Variants in GTF3C1 observed in about 807,000 individuals in gnomAD.
GTF3C1 encodes the protein general transcription factor 3C polypeptide 1.
In GTF3C1, 57 loss-of-function variants were observed where a neutral mutation model predicts 226.7. That is an observed-to-expected ratio of 0.25 (90% CI 0.20 to 0.31). The LOEUF (loss-of-function observed/expected upper bound fraction) is 0.31, where lower values mean the gene tolerates loss of function less well. Among genes scored for constraint, GTF3C1 ranks in the 10% least tolerant of loss-of-function variants. The pLI, the probability that GTF3C1 is intolerant of heterozygous loss-of-function variation, is 1.00. For synonymous variants in GTF3C1, 1,090 were observed against 1,084.8 expected, an observed-to-expected ratio of 1.00 and a Z score of -0.09; for missense variants, 2,217 against 2,776.1, an observed-to-expected ratio of 0.80 and a Z score of 4.53.
At chr16:27,484,750 G>A (rs952134807) in intron 24 of GTF3C1, among the ~76,000 whole-genome samples, 1 of 152,226 alleles carries the variant, frequency 6.6e-6, no homozygotes, top group Admixed American at 6.5e-5. Context: ...TGTATGTTGT[G>A]CTTGTATGTT....
At chr16:27,493,350 A>G (rs535341842) in intron 16 of GTF3C1, 54 bp from the exon 17 acceptor site, 53 of 893,738 alleles carry the variant, frequency 5.9e-5, no homozygotes, top group Non-Finnish European at 5.7e-6. Context: ...GCGACCTGCA[A>G]GAATCTTGAA....
At chr16:27,505,875 C>G in intron 10 of GTF3C1, 24 bp downstream of exon 10, 83 of 1,282,106 alleles carry the variant, frequency 6.5e-5, no homozygotes, top group Non-Finnish European at 8.3e-5. Context: ...TTGGAGACAG[C>G]TCCCTCCCTC....
chr16:27,538,470 A>G, intron 2 of GTF3C1, 114 bp from the exon 3 acceptor site: 2 of 630,088 alleles, frequency 3.2e-6, no homozygotes, highest in Non-Finnish European at 5.3e-6. Flanking sequence ...AGGAGTTTAC[A>G]AGATCCCAAA....
chr16:27,487,439 C>T (rs2088159352), intron 23 of GTF3C1, among the ~76,000 whole-genome samples: 2 of 152,116 alleles, frequency 1.3e-5, no homozygotes, highest in South Asian at 2.1e-4. Flanking sequence ...AAATACTGGC[C>T]GGATGAAGAA....
Position 27,469,545 on chromosome 16 carries a change from C to T in GTF3C1, c.4820G>A (p.Gly1607Glu). 3 of 1,609,816 alleles carry T rather than the reference C, an allele frequency of 1.9e-6. No homozygotes were observed. Among genetic ancestry groups the T allele is most frequent in the African/African-American group, 2.7e-5 (2 of 74,960 alleles). ...MVENEVIKSL[G>E]KDGSLEDDED... is the part of the protein sequence containing the mutation. ...GTCATCCTCCAGGCTGCCGTCCTTCCCCAAGCTAGAAGGGAATTGTGACCT... is the reference window on the plus strand; with the variant it reads ...GTCATCCTCCAGGCTGCCGTCCTTCTCCAAGCTAGAAGGGAATTGTGACCT... Residue 1607 changes from glycine to glutamate, a missense_variant, in exon 32 of 37, where the codon GGG becomes GAG. Physicochemically the swap from Gly to Glu is moderately conservative, Grantham distance 98 (BLOSUM62 -2). Around this residue, in one of 12 missense-constraint regions of GTF3C1, gnomAD observed 546 missense variants for 663.0 expected, o/e 0.82. Transcript: ENST00000356183. The surrounding 1 kb of genome is among the most constrained non-coding windows in gnomAD (Gnocchi z 4.5).
At chr16:27,484,841 A>G (rs1394831139) in intron 24 of GTF3C1, among the ~76,000 whole-genome samples, 1 of 152,270 alleles carries the variant, frequency 6.6e-6, no homozygotes, top group Admixed American at 6.5e-5. Flanking sequence ...CAAGGCCGAC[A>G]TGAGAAAGCC....
Position 27,470,403 on chromosome 16 carries a change from C to G in GTF3C1, c.4527-8G>C. On this transcript the variant is annotated splice_region_variant and splice_polypyrimidine_tract_variant and intron_variant, in intron 30 of 36. Coordinates refer to ENST00000356183, the MANE Select transcript of GTF3C1 (RefSeq NM_001520.4). The surrounding 1 kb of genome is among the most constrained non-coding windows in gnomAD (Gnocchi z 4.9). ...AATCGCCACGTAAAAATCCTACAGA[C>G]AAAAAGAAAGGAAGGGCCTGACTGA... The G allele has an allele frequency of 6.2e-7, 1 of 1,609,682 alleles. No individual in the cohort carries two copies. The highest frequency in any genetic ancestry group is 8.5e-7 in the Non-Finnish European group (1 of 1,177,904).
At chr16:27,489,818 T>C (rs1596628822) in intron 19 of GTF3C1, 75 bp from the exon 20 acceptor site, 1 of 1,488,768 alleles carries the variant, frequency 6.7e-7, no homozygotes, top group Non-Finnish European at 9.1e-7. Flanking sequence ...TCTGGCTGGG[T>C]GGGGAAGAAG....
intron 5 of GTF3C1, among the ~76,000 whole-genome samples, chr16:27,531,810 C>T (rs770465656): frequency 2.6e-5 from 4 of 152,168 alleles, no homozygotes; most frequent in Non-Finnish European, 4.4e-5. Context: ...TTAATCCACA[C>T]GGTGGCCAGG....
chr16:27,502,476 C>T (rs562537873), intron 11 of GTF3C1, among the ~76,000 whole-genome samples: 17 of 152,300 alleles, frequency 1.1e-4, no homozygotes, highest in East Asian at 3.9e-4. Flanking sequence ...AAATGCACCA[C>T]GGAGAACTAA....
In GTF3C1 at chr16:27,463,420, C is replaced by T. The variant is rs1320987057; in HGVS notation, c.5924+121G>A. ...GTACCCCTGCCAAGAACCAAGGTGC[C>T]GGGCAGGCTGTCAGAGCTGGTACCT... is the stretch of plus-strand genomic sequence containing the variant. On this transcript the variant is annotated intron_variant, in intron 35 of 36. Coordinates refer to ENST00000356183, the MANE Select transcript of GTF3C1 (RefSeq NM_001520.4). The surrounding 1 kb of genome is among the most constrained non-coding windows in gnomAD (Gnocchi z 4.9). 2.1e-5 allele frequency: 15 copies of T among 703,102 alleles called. No homozygotes were observed. The highest frequency in any genetic ancestry group is 4.5e-5 in the Admixed American group (2 of 44,568). The allele number at this position is 703,102 out of a possible 1,614,324, so 43.6% of individuals were successfully genotyped here.
chr16:27,521,143 C>G lies in GTF3C1; in HGVS notation c.973+7455G>C, dbSNP rs368188345. On this transcript the variant is annotated intron_variant, in intron 6 of 36. Coordinates refer to ENST00000356183, the MANE Select transcript of GTF3C1 (RefSeq NM_001520.4). ...AGGAGCTATTTAAGGAGGCCACATC[C>G]GTCACTGAGAAACATCCAGTCCCTG... is the stretch of plus-strand genomic sequence containing the variant. Among the ~76,000 whole-genome samples the G allele has an allele frequency of 3.6e-4, 55 of 152,346 alleles. No individual in the cohort carries two copies. The South Asian group carries it at 7.9e-3, about 22-fold the overall frequency.
intron 6 of GTF3C1, among the ~76,000 whole-genome samples, chr16:27,525,138 G>C (rs1430503454): frequency 6.8e-6 from 1 of 148,102 alleles, no homozygotes; most frequent in African/African-American, 2.6e-5. Flanking sequence ...GCAATAGAGA[G>C]AAACTCTGTG....
intron 2 of GTF3C1, among the ~76,000 whole-genome samples, chr16:27,544,974 CTTT>C (rs5816438): frequency 3.5e-4 from 45 of 130,244 alleles, no homozygotes; most frequent in Non-Finnish European, 3.2e-4. Context: ...TTCTTTTTTC[CTTT>C]TTTTTTTTTT....
At chr16:27,486,942 G>A (rs188034659) in intron 23 of GTF3C1, among the ~76,000 whole-genome samples, 366 of 152,366 alleles carry the variant, frequency 2.4e-3, no homozygotes, top group African/African-American at 8.4e-3. Flanking sequence ...TCACACAGCT[G>A]AGTCAGCAAC....
intron 4 of GTF3C1, among the ~76,000 whole-genome samples, chr16:27,534,592 A>G (rs956935570): frequency 1.3e-5 from 2 of 152,256 alleles, no homozygotes; most frequent in African/African-American, 4.8e-5. Flanking sequence ...TGACTGCCCA[A>G]GTGAGGGGCA....
rs570461974 is a variant in GTF3C1, at chr16:27,506,278, T to G, written c.1553-162A>C. Among the ~76,000 whole-genome samples, 3 of 152,332 alleles carry G rather than the reference T, an allele frequency of 2.0e-5. No homozygotes were observed. In the South Asian group the frequency reaches 6.2e-4, roughly 32 times the overall value. ...GCAGCTTGGGCCCCTCCTTCTGGCC[T>G]CTCATCGGCAGCAGGGTTTCTCCAC... On this transcript the variant is annotated intron_variant, in intron 9 of 36. Coordinates refer to ENST00000356183, the MANE Select transcript of GTF3C1 (RefSeq NM_001520.4).
Position 27,489,730 on chromosome 16 carries a change from G to A in GTF3C1, c.3165C>T (p.Cys1055=), listed in dbSNP as rs2088204683. Residue 1055 remains cysteine, a synonymous_variant, in exon 20 of 37, where the codon TGC becomes TGT. Transcript: ENST00000356183. ...TGCTGCTGTTCTTCCTGACGCGCGG[G>A]CAGCGCACCACGCCTGGAAAACCAA... is the stretch of plus-strand genomic sequence containing the variant. ...CLNTPLGVVR[C]PRVRKNSSTD... 2 of 1,611,330 alleles carry A rather than the reference G, an allele frequency of 1.2e-6. No individual in the cohort carries two copies. Among genetic ancestry groups the A allele is most frequent in the African/African-American group, 1.3e-5 (1 of 74,958 alleles).
Position 27,470,381 on chromosome 16 carries a change from C to T in GTF3C1, c.4541G>A (p.Arg1514Gln), listed in dbSNP as rs2087850281. The change falls in exon 31 of 37, where the codon CGA (arginine) becomes CAA (glutamine). Residue 1514 changes from arginine (R) to glutamine (Q), a missense_variant. Arg to Gln is a conservative substitution (Grantham distance 43, BLOSUM62 1). Transcript: ENST00000356183. The surrounding 1 kb of genome is among the most constrained non-coding windows in gnomAD (Gnocchi z 4.9). The part of the protein sequence containing the change: ...SQTYYRIFTW[R>Q]FPSTICTESF... ...CTCCGTGCAGATGGTGCTTGGAAAT[C>T]GCCACGTAAAAATCCTACAGACAAA... is the stretch of plus-strand genomic sequence containing the variant. 3.7e-6 allele frequency: 6 copies of T among 1,612,978 alleles called. No individual in the cohort carries two copies. Among genetic ancestry groups the T allele is most frequent in the Non-Finnish European group, 5.1e-6 (6 of 1,179,392 alleles).
Sources: gnomAD v4.1 joint callset for allele counts (sites outside exome capture counted in the v4.1 genomes callset) on GRCh38, gnomAD v4.1.1 for gene constraint, gnomAD v4.1.1 regional missense constraint, Gnocchi (gnomAD v3.1) non-coding constraint, MANE v1.5 for transcripts, NCBI Gene and HGNC (gene_info 2026-07-23, HGNC 2026-07-21) for gene names.